Variants in MACROD2 observed in about 807,000 individuals in gnomAD.
MACROD2 encodes the protein mono-ADP ribosylhydrolase 2.
In MACROD2, 36 loss-of-function variants were observed where a neutral mutation model predicts 70.4. The observed-to-expected ratio is 0.51, with a 90% CI of 0.39 to 0.68. The LOEUF (loss-of-function observed/expected upper bound fraction) is 0.68. MACROD2 is among the 30% of genes least tolerant of loss of function. The probability of loss-of-function intolerance (pLI) is 0.00; values close to 1 mark genes in which losing one functional copy is unlikely to be tolerated. For missense variants in MACROD2, 496 were observed against 538.4 expected, an observed-to-expected ratio of 0.92 and a Z score of 0.78; for synonymous variants, 172 against 178.8, an observed-to-expected ratio of 0.96 and a Z score of 0.30.
intron 6 of MACROD2, among the ~76,000 whole-genome samples, chr20:15,287,616 G>A (rs1417820328): frequency 6.6e-6 from 1 of 152,160 alleles, no homozygotes; most frequent in Non-Finnish European, 1.5e-5. Flanking sequence ...GATAGACAGG[G>A]AAGTCTGCAG....
chr20:14,384,659 G>A (rs903325912), intron 3 of MACROD2, among the ~76,000 whole-genome samples: 2 of 152,136 alleles, frequency 1.3e-5, no homozygotes, highest in African/African-American at 4.8e-5. Context: ...AAGCAAATGC[G>A]TTGGAGTACA....
chr20:16,004,647 C>T (rs1261214918), intron 15 of MACROD2, among the ~76,000 whole-genome samples: 7 of 152,216 alleles, frequency 4.6e-5, no homozygotes, highest in Admixed American at 1.3e-4. Context: ...CTGTTTGCTC[C>T]GGCTCTGCGG....
At chr20:15,760,970 A>C (rs191785465) in intron 8 of MACROD2, among the ~76,000 whole-genome samples, 183 of 152,366 alleles carry the variant, frequency 1.2e-3, no homozygotes, top group African/African-American at 3.9e-3. Flanking sequence ...GACTCTGCAT[A>C]TATTGAAACT....
chr20:15,527,015 C>CTTATTTG (rs1342518651), intron 8 of MACROD2, among the ~76,000 whole-genome samples: 12 of 152,118 alleles, frequency 7.9e-5, no homozygotes, highest in Non-Finnish European at 1.5e-5. Context: ...TAACAGTTGT[C>CTTATTTG]GTGGGTGAAT....
chr20:15,992,084 T>C (rs2069316), intron 15 of MACROD2, among the ~76,000 whole-genome samples: 21,214 of 152,214 alleles, frequency 0.14, 1,810 homozygotes, highest in Non-Finnish European at 0.2. Context: ...CACTGCACTT[T>C]GTCTTGCACT....
chr20:14,735,566 A>G (rs1418184669), intron 5 of MACROD2, among the ~76,000 whole-genome samples: 1 of 152,168 alleles, frequency 6.6e-6, no homozygotes, highest in East Asian at 1.9e-4. Context: ...TGGTGCAACC[A>G]GGCTGGCATG....
intron 3 of MACROD2, chr20:14,329,162 T>G (rs2082789438): frequency 6.6e-6 from 1 of 152,088 alleles, no homozygotes; most frequent in Non-Finnish European, 1.5e-5. Flanking sequence ...TTCCAGCTTT[T>G]GCTTCTTGCT....
At chr20:15,789,273 T>A (rs1330528951) in intron 8 of MACROD2, among the ~76,000 whole-genome samples, 1 of 152,200 alleles carries the variant, frequency 6.6e-6, no homozygotes, top group East Asian at 1.9e-4. Context: ...GTTGAAAGCA[T>A]GTTTTGAACT....
chr20:15,433,637 C>T (rs911474594), intron 7 of MACROD2, among the ~76,000 whole-genome samples: 1 of 151,130 alleles, frequency 6.6e-6, no homozygotes, highest in African/African-American at 2.4e-5. Flanking sequence ...AATGACCATA[C>T]TTCCTACAGA....
At chr20:14,717,305 GTATC>G (rs1307041626) in intron 5 of MACROD2, among the ~76,000 whole-genome samples, 8 of 152,166 alleles carry the variant, frequency 5.3e-5, no homozygotes, top group Admixed American at 1.3e-4. Context: ...TATACAGGAT[GTATC>G]TATCTGTCTC....
intron 4 of MACROD2, among the ~76,000 whole-genome samples, chr20:14,630,933 G>A (rs1984473214): frequency 6.6e-6 from 1 of 152,152 alleles, no homozygotes; most frequent in African/African-American, 2.4e-5. Context: ...CACTCAACAA[G>A]AACATAATTC....
At chr20:15,130,300 C>G (rs754193701) in intron 5 of MACROD2, among the ~76,000 whole-genome samples, 2 of 151,888 alleles carry the variant, frequency 1.3e-5, no homozygotes, top group African/African-American at 4.8e-5. Flanking sequence ...AAAAAACTCC[C>G]GATCGTCAAT....
intron 3 of MACROD2, among the ~76,000 whole-genome samples, chr20:14,086,426 C>G (rs920724006): frequency 6.6e-6 from 1 of 152,040 alleles, no homozygotes; most frequent in Non-Finnish European, 1.5e-5. Flanking sequence ...TAAAGTTAGG[C>G]TGTTTGAAGT....
At chr20:15,941,146 AC>A (rs540120828) in intron 12 of MACROD2, among the ~76,000 whole-genome samples, 1 of 152,006 alleles carries the variant, frequency 6.6e-6, no homozygotes, top group Non-Finnish European at 1.5e-5. Context: ...TTAACATAAA[AC>A]TTTTAATGAT....
At chr20:15,290,873 T>C (rs2077535586) in intron 6 of MACROD2, among the ~76,000 whole-genome samples, 1 of 152,192 alleles carries the variant, frequency 6.6e-6, no homozygotes, top group Non-Finnish European at 1.5e-5. Context: ...TCCTAGGTGC[T>C]GGGGCAGACG....
At chr20:14,580,802 T>C (rs1980964802) in intron 4 of MACROD2, among the ~76,000 whole-genome samples, 1 of 152,230 alleles carries the variant, frequency 6.6e-6, no homozygotes, top group Non-Finnish European at 1.5e-5. Context: ...AGTGTTCTTT[T>C]ACTGTGTTAA....
intron 2 of MACROD2, among the ~76,000 whole-genome samples, chr20:14,056,812 T>C (rs1476860000): frequency 1.4e-5 from 2 of 144,200 alleles, no homozygotes; most frequent in Non-Finnish European, 1.5e-5. Flanking sequence ...TACAGTTTTA[T>C]ATATTTATTC....
chr20:15,668,193 G>A (rs578020602), intron 8 of MACROD2, among the ~76,000 whole-genome samples: 28 of 152,092 alleles, frequency 1.8e-4, no homozygotes, highest in African/African-American at 3.4e-4. Flanking sequence ...CCAGGAGGCC[G>A]AGGTTGCAGT....
chr20:15,920,302 A>G (rs1001352436), intron 10 of MACROD2, among the ~76,000 whole-genome samples: 4 of 152,186 alleles, frequency 2.6e-5, no homozygotes, highest in Admixed American at 6.5e-5. Flanking sequence ...CTTATTTATG[A>G]CATAAGGAGA....
Sources: allele counts gnomAD v4.1 joint callset (sites outside exome capture counted in the v4.1 genomes callset), GRCh38; gene constraint gnomAD v4.1.1; transcripts MANE v1.5; gene names NCBI Gene and HGNC (gene_info 2026-07-23, HGNC 2026-07-21).